The following GOLGA6L7 variants were observed in gnomAD, a reference collection of about 807,000 sequenced individuals.
GOLGA6L7 encodes golgin subfamily A member 6-like protein 7.
In GOLGA6L7, 29 loss-of-function variants were observed where a neutral mutation model predicts 68.9. The observed-to-expected ratio is 0.42, with a 90% CI of 0.31 to 0.57. The LOEUF (loss-of-function observed/expected upper bound fraction) is 0.57. GOLGA6L7 is among the 20% of genes least tolerant of loss of function. The pLI is 0.13. For missense variants in GOLGA6L7, 396 were observed against 588.4 expected, an observed-to-expected ratio of 0.67 and a Z score of 3.38; for synonymous variants, 133 against 197.4, an observed-to-expected ratio of 0.67 and a Z score of 2.73.
At chr15:28,846,559 G>A (rs1399625754) in intron 2 of GOLGA6L7, among the ~76,000 whole-genome samples, 8 of 151,888 alleles carry the variant, frequency 5.3e-5, no homozygotes, top group Non-Finnish European at 5.9e-5. Context: ...AGAAAGATGT[G>A]TTCATTCAAC....
Position 28,843,231 on chromosome 15 carries a change from C to T in GOLGA6L7, c.873G>A (p.Gln291=). The change falls in exon 9 of 9, where the codon CAG becomes CAA. Residue 291 remains glutamine (Q), a synonymous_variant. Transcript: ENST00000567390. The stretch of plus-strand genomic sequence containing the variant: ...GCATCTGCTCCTCCTGCTTCCGCAT[C>T]TGCTCCTCCTGCTTCCGCATCTGCT... ...QEEQMRKQEE[Q]MRKQEEQMRK... is the part of the protein sequence containing the mutation. The T allele has an allele frequency of 8.0e-7, 1 of 1,253,036 alleles. No individual in the cohort carries two copies. The allele number at this position is 1,253,036 out of a possible 1,614,324, so 77.6% of individuals were successfully genotyped here.
At position 28,846,974 on chromosome 15, in the gene GOLGA6L7, C is replaced by T. The variant is rs564027948; in HGVS notation, c.180+90G>A. On this transcript the variant is annotated intron_variant, in intron 2 of 8. Coordinates refer to ENST00000567390, the MANE Select transcript of GOLGA6L7 (RefSeq NM_001365371.2). ...AAACCCAGAATTCTTAGCCAGTACC[C>T]AGCAGTTCTTCCTTCCACAATCTTA... The T allele has an allele frequency of 2.8e-4, 190 of 667,576 alleles. 27 individuals are homozygous for T. The African/African-American group carries it at 4.7e-3, about 17-fold the overall frequency. 41.4% of individuals were successfully genotyped at this position (667,576 alleles called of 1,614,324 possible).
At chr15:28,845,256 G>A (rs2030380579) in intron 6 of GOLGA6L7, 1 of 574,916 alleles carries the variant, frequency 1.7e-6, no homozygotes, top group African/African-American at 1.9e-5. Context: ...ACTCCGCCTA[G>A]GATTTGACCA....
intron 1 of GOLGA6L7, among the ~76,000 whole-genome samples, chr15:28,847,430 AGCT>A (rs2030479747): frequency 6.6e-6 from 1 of 151,692 alleles, no homozygotes; most frequent in South Asian, 2.1e-4. Flanking sequence ...ACAAATCAGC[AGCT>A]GCCAGAGACC....
rs1211850283 is a variant in GOLGA6L7, at chr15:28,842,561, C to T, written c.1543G>A (p.Glu515Lys). 2.4e-6 allele frequency: 3 copies of T among 1,256,522 alleles called. No homozygotes were observed. The East Asian group carries it at 9.3e-5, about 39-fold the overall frequency. 77.8% of individuals were successfully genotyped at this position (1,256,522 alleles called of 1,614,324 possible). Residue 515 changes from glutamate (E) to lysine (K), a missense_variant, in exon 9 of 9, where the codon GAG (glutamate) becomes AAG (lysine). Physicochemically the swap from Glu to Lys is moderately conservative, Grantham distance 56. Transcript: ENST00000567390. ...TGCCTCCGGATCTTCTCCTCCTCCT[C>T]CTGCATCTTCTCATACTCATCCCAC... is the stretch of plus-strand genomic sequence containing the variant. Reference protein sequence around the residue: ...RLWDEYEKMQEEEEKIRRQVE... With the variant: ...RLWDEYEKMQKEEEKIRRQVE...
In GOLGA6L7 at chr15:28,842,058, G is replaced by C; in HGVS notation, c.*177C>G. ...TCAACCTCCCACGTAGCTGGGATTG[G>C]TGATCCACCCGCCTAGGCCTCCCAA... On this transcript the variant is annotated 3_prime_UTR_variant, in exon 9 of 9. Transcript: ENST00000567390. 4.8e-6 allele frequency: 2 copies of C among 413,254 alleles called. No homozygotes were observed. Among genetic ancestry groups the C allele is most frequent in the East Asian group, 4.0e-5 (1 of 25,210 alleles). 25.6% of individuals were successfully genotyped at this position (413,254 alleles called of 1,614,324 possible).
At chr15:28,844,042 A>C (rs1395667003) in intron 7 of GOLGA6L7, among the ~76,000 whole-genome samples, 163 bp downstream of exon 7, 2 of 152,012 alleles carry the variant, frequency 1.3e-5, no homozygotes, top group Admixed American at 6.6e-5. Flanking sequence ...GAGTTGCCTG[A>C]GGCTACCCCA....
rs570581076 is a variant in GOLGA6L7, at chr15:28,845,729, C to A, written c.344G>T (p.Arg115Met). ...GCCCAGATTCCCACCTTCAAATTTC[C>A]TGGCAGCATCCTGGCTGTCATGGAG... ...TALHDSQDAA[R>M]KFEEDSKDLA... The change falls in exon 5 of 9, where the codon AGG (arginine) becomes ATG (methionine). Residue 115 changes from arginine to methionine, a missense_variant. By Grantham distance (91) the Arg-to-Met change is moderately conservative (BLOSUM62 -1). Around this residue, in one of 5 missense-constraint regions of GOLGA6L7, gnomAD observed 125 missense variants for 119.4 expected, o/e 1.05. Coordinates refer to ENST00000567390, the MANE Select transcript of GOLGA6L7 (RefSeq NM_001365371.2). The A allele has an allele frequency of 1.4e-3, 1,113 of 782,114 alleles. 6 individuals are homozygous for A. The highest frequency in any genetic ancestry group is 0.013 in the African/African-American group (752 of 59,310). The allele number at this position is 782,114 out of a possible 1,614,324, so 48.4% of individuals were successfully genotyped here.
In GOLGA6L7 at chr15:28,843,513, C is replaced by T. The variant is rs1484880982; in HGVS notation, c.664-73G>A. On this transcript the variant is annotated intron_variant, in intron 8 of 8. Coordinates refer to ENST00000567390, the MANE Select transcript of GOLGA6L7 (RefSeq NM_001365371.2). ...AAAATAACGGTTTTCGTCTATGATT[C>T]TTTAAAAAGAAATTTTAAGCCGTAA... 1.3e-5 allele frequency: 6 copies of T among 460,230 alleles called. No individual in the cohort carries two copies. In the East Asian group the frequency reaches 1.7e-4, roughly 13 times the overall value. The allele number at this position is 460,230 out of a possible 1,614,324, so 28.5% of individuals were successfully genotyped here.
In GOLGA6L7 at chr15:28,843,802, A is replaced by G; in HGVS notation, c.595T>C (p.Ser199Pro). 1 of 730,956 alleles carries G rather than the reference A, an allele frequency of 1.4e-6. No homozygotes were observed. The highest frequency in any genetic ancestry group is 1.5e-5 in the South Asian group (1 of 65,288). 45.3% of individuals were successfully genotyped at this position (730,956 alleles called of 1,614,324 possible). The change falls in exon 8 of 9, where the codon TCT (serine) becomes CCT (proline). Residue 199 changes from serine to proline, a missense_variant. Around this residue, in one of 5 missense-constraint regions of GOLGA6L7, gnomAD observed 125 missense variants for 119.4 expected, o/e 1.05. Coordinates refer to ENST00000567390, the MANE Select transcript of GOLGA6L7 (RefSeq NM_001365371.2). Reference sequence around the variant, plus strand: ...TCCTTGATGTGGAGCTGGATCTCAGACTTTTCAGTTTCTACCAGTCGAAGT... The same window carrying G: ...TCCTTGATGTGGAGCTGGATCTCAGGCTTTTCAGTTTCTACCAGTCGAAGT... ...EKLRLVETEK[S>P]EIQLHIKELK...
rs1253221235 is a variant in GOLGA6L7, at chr15:28,847,194, T to C, written c.52-2A>G. The C allele has an allele frequency of 6.6e-6, 9 of 1,357,938 alleles. No homozygotes were observed. Among genetic ancestry groups the C allele is most frequent in the Non-Finnish European group, 3.0e-6 (3 of 985,424 alleles). The allele number at this position is 1,357,938 out of a possible 1,614,324, so 84.1% of individuals were successfully genotyped here. ...GTTCCACTGATGATAGTCTGTAAAC[T>C]GTGGAAAAGAGGAGCAGTGATACTC... On this transcript the variant is annotated splice_acceptor_variant, in intron 1 of 8. Coordinates refer to ENST00000567390, the MANE Select transcript of GOLGA6L7 (RefSeq NM_001365371.2). LOFTEE classifies it high-confidence loss of function.
intron 6 of GOLGA6L7, among the ~76,000 whole-genome samples, chr15:28,844,663 G>C (rs7494925): frequency 0.25 from 37,374 of 148,356 alleles, 5,168 homozygotes; most frequent in Non-Finnish European, 0.32. Flanking sequence ...TTGATAGCTG[G>C]CTAACAGGGG....
chr15:28,843,908 C>T (rs543068266), intron 7 of GOLGA6L7, 33 bp from the exon 8 acceptor site: 74 of 1,000,718 alleles, frequency 7.4e-5, no homozygotes, highest in Admixed American at 3.3e-4. Context: ...AAGGAATGAA[C>T]GAAGAACAGA....
chr15:28,847,316 GTCGCAA>G, intron 1 of GOLGA6L7, 124 bp from the exon 2 acceptor site: 1 of 553,632 alleles, frequency 1.8e-6, no homozygotes, highest in Non-Finnish European at 3.0e-6. Flanking sequence ...ACGAGGTGTT[GTCGCAA>G]TCACTTAGTG....
chr15:28,848,213 C>T (rs2141057475), intron 1 of GOLGA6L7, among the ~76,000 whole-genome samples: 1 of 152,084 alleles, frequency 6.6e-6, no homozygotes, highest in Admixed American at 6.5e-5. Flanking sequence ...CCCGAAGGGC[C>T]CAGGGAGATC....
chr15:28,845,276 C>T (rs1272486277), intron 6 of GOLGA6L7: 6 of 596,358 alleles, frequency 1.0e-5, no homozygotes, highest in Non-Finnish European at 1.8e-5. Context: ...AAGGCCACAG[C>T]CAAGTATGGG....
Position 28,848,569 on chromosome 15 carries a change from G to T in GOLGA6L7, c.-20C>A. 1.4e-6 allele frequency: 1 copy of T among 712,524 alleles called. No individual in the cohort carries two copies. The highest frequency in any genetic ancestry group is 2.6e-6 in the Non-Finnish European group (1 of 389,712). 44.1% of individuals were successfully genotyped at this position (712,524 alleles called of 1,614,324 possible). On this transcript the variant is annotated 5_prime_UTR_variant, in exon 1 of 9. Transcript: ENST00000567390. ...CATCATGGGGTGGGGAGGGTGGTGG[G>T]GTTGGGGTCACATTGGCGTGATCCA... is the stretch of plus-strand genomic sequence containing the variant.
chr15:28,842,512 T>G lies in GOLGA6L7; in HGVS notation c.1592A>C (p.Lys531Thr), dbSNP rs1282647716. 1 of 1,202,248 alleles carries G rather than the reference T, an allele frequency of 8.3e-7. No individual in the cohort carries two copies. The highest frequency in any genetic ancestry group is 1.6e-5 in the African/African-American group (1 of 63,500). The allele number at this position is 1,202,248 out of a possible 1,614,324, so 74.5% of individuals were successfully genotyped here. A position where few individuals can be genotyped will look rare whatever the true frequency, so the allele number is the denominator to read the frequency against. ...CTTCTCCTGCTCTCCCATCCTCTCC[T>G]TCTTCTCCCGCCTCTTCTCCACCTG... ...RRQVEKRREK[K>T]ERMGEQEKTQ... is the part of the protein sequence containing the mutation. The change falls in exon 9 of 9, where the codon AAG becomes ACG. Residue 531 changes from lysine to threonine, a missense_variant. This residue lies in a region of GOLGA6L7 where 125 missense variants were observed against 163.3 expected (regional missense o/e 0.77). Coordinates refer to ENST00000567390, the MANE Select transcript of GOLGA6L7 (RefSeq NM_001365371.2).
chr15:28,844,516 C>T (rs539297439), intron 6 of GOLGA6L7, among the ~76,000 whole-genome samples: 2,299 of 150,534 alleles, frequency 0.015, 36 homozygotes, highest in Non-Finnish European at 0.02. Context: ...CCGCAACCTC[C>T]GCCTCCCGGC....
Sources: allele counts gnomAD v4.1 joint callset (sites outside exome capture counted in the v4.1 genomes callset), GRCh38; gene constraint gnomAD v4.1.1; regional missense constraint gnomAD v4.1.1; transcripts MANE v1.5; gene names NCBI Gene and HGNC (gene_info 2026-07-23, HGNC 2026-07-21).